The following ASXL3 variants were observed in gnomAD, a reference collection of about 807,000 sequenced individuals.
ASXL3 encodes ASXL transcriptional regulator 3, also known as putative Polycomb group protein ASXL3.
In ASXL3, 34 loss-of-function variants were observed where a neutral mutation model predicts 170.6. That is an observed-to-expected ratio of 0.20 (90% CI 0.15 to 0.27). The LOEUF (loss-of-function observed/expected upper bound fraction) is 0.27, where lower values mean the gene tolerates loss of function less well. ASXL3 is among the 10% of genes least tolerant of loss of function. The pLI, the probability that ASXL3 is intolerant of heterozygous loss-of-function variation, is 1.00. For synonymous variants in ASXL3, 1,002 were observed against 989.1 expected, an observed-to-expected ratio of 1.01 and a Z score of -0.24; for missense variants, 2,592 against 2,695.3, an observed-to-expected ratio of 0.96 and a Z score of 0.85.
At chr18:33,685,492 C>T (rs1191590488) in intron 8 of ASXL3, among the ~76,000 whole-genome samples, 3 of 152,184 alleles carry the variant, frequency 2.0e-5, no homozygotes, top group African/African-American at 4.8e-5. Flanking sequence ...ACAATTTCTT[C>T]CACTTCAACA....
intron 8 of ASXL3, among the ~76,000 whole-genome samples, chr18:33,694,207 T>C (rs2066735151): frequency 6.6e-6 from 1 of 152,158 alleles, no homozygotes; most frequent in African/African-American, 2.4e-5. Flanking sequence ...ATTCACTGCT[T>C]GGGTTTGTAG....
intron 2 of ASXL3, among the ~76,000 whole-genome samples, chr18:33,618,207 T>TCTTTTACAC (rs1269506080): frequency 6.6e-6 from 1 of 152,116 alleles, no homozygotes; most frequent in African/African-American, 2.4e-5. Context: ...AAAGACTATT[T>TCTTTTACAC]ATCCTTTGTC....
At chr18:33,681,209 C>T (rs2066508808) in intron 7 of ASXL3, among the ~76,000 whole-genome samples, 1 of 151,862 alleles carries the variant, frequency 6.6e-6, no homozygotes, top group African/African-American at 2.4e-5. Context: ...TGTTTGATTC[C>T]TCCGTAGGTC....
chr18:33,591,461 T>C (rs1433071075), intron 1 of ASXL3, among the ~76,000 whole-genome samples: 1 of 152,152 alleles, frequency 6.6e-6, no homozygotes, highest in African/African-American at 2.4e-5. Flanking sequence ...ACAAAAATAT[T>C]ATCTCCTATT....
intron 11 of ASXL3, among the ~76,000 whole-genome samples, chr18:33,741,911 A>T (rs914035798): frequency 3.3e-5 from 5 of 152,222 alleles, no homozygotes; most frequent in Admixed American, 6.5e-5. Context: ...GCTTTTAGTG[A>T]CTAGAGCAAC....
At chr18:33,652,601 G>A (rs2066017593) in intron 4 of ASXL3, among the ~76,000 whole-genome samples, 1 of 30,400 alleles carries the variant, frequency 3.3e-5, no homozygotes. Flanking sequence ...TTTCTGTTGG[G>A]GCAAAAAAAA....
chr18:33,731,734 C>G (rs956184845), intron 8 of ASXL3, among the ~76,000 whole-genome samples: 2 of 152,106 alleles, frequency 1.3e-5, no homozygotes, highest in African/African-American at 2.4e-5. Flanking sequence ...TCCTAGTATT[C>G]ATCCCAGGAG....
At chr18:33,636,708 A>G (rs2065771995) in intron 2 of ASXL3, among the ~76,000 whole-genome samples, 1 of 152,236 alleles carries the variant, frequency 6.6e-6, no homozygotes, top group African/African-American at 2.4e-5. Context: ...GATGCATTTC[A>G]TGTCAGATGT....
At chr18:33,658,925 G>A (rs866461726) in intron 4 of ASXL3, among the ~76,000 whole-genome samples, 1 of 152,050 alleles carries the variant, frequency 6.6e-6, no homozygotes, top group Middle Eastern at 3.4e-3. Flanking sequence ...GAAATTCTGG[G>A]CTCTAAATTG....
At position 33,696,287 on chromosome 18, in the gene ASXL3, T is replaced by C. The variant is rs145813719; in HGVS notation, c.879+12719T>C. Among the ~76,000 whole-genome samples the C allele has an allele frequency of 6.6e-3, 1,005 of 152,214 alleles. 12 individuals are homozygous for C. The highest frequency in any genetic ancestry group is 0.023 in the African/African-American group (944 of 41,542). On this transcript the variant is annotated intron_variant, in intron 8 of 11. Coordinates refer to ENST00000269197, the MANE Select transcript of ASXL3 (RefSeq NM_030632.3). ...TTTGTTAAAGTTCATTGTAAAGGAA[T>C]AAAGGAATCAATTCTAAGCAGGAAA... is the stretch of plus-strand genomic sequence containing the variant.
chr18:33,633,723 T>G (rs1297077895), intron 2 of ASXL3, among the ~76,000 whole-genome samples: 3 of 151,614 alleles, frequency 2.0e-5, no homozygotes, highest in African/African-American at 7.3e-5. Context: ...CGCGTGCCTG[T>G]AGTCCTGGCT....
chr18:33,627,028 G>A (rs1418774895), intron 2 of ASXL3: 1 of 152,672 alleles, frequency 6.5e-6, no homozygotes, highest in Non-Finnish European at 1.5e-5. Context: ...ACTAGCAGGA[G>A]TGGCTGGGAT....
intron 8 of ASXL3, chr18:33,683,780 A>G (rs2066550453): frequency 4.7e-6 from 2 of 427,498 alleles, no homozygotes; most frequent in South Asian, 5.6e-5. Flanking sequence ...AATACGGTAC[A>G]TTGTGGTAGA....
At position 33,742,965 on chromosome 18, in the gene ASXL3, T is replaced by A; in HGVS notation, c.3117T>A (p.Thr1039=). The A allele has an allele frequency of 6.2e-7, 1 of 1,613,890 alleles. No homozygotes were observed. The highest frequency in any genetic ancestry group is 1.1e-5 in the South Asian group (1 of 91,072). ...PVSKPESRAS[T]STSVSGGRNT... ...CCAAACCTGAGTCTCGAGCATCCAC[T>A]AGCACATCTGTCAGTGGCGGGAGGA... Residue 1039 remains threonine (T), a synonymous_variant, in exon 12 of 12, where the codon ACT becomes ACA. Coordinates refer to ENST00000269197, the MANE Select transcript of ASXL3 (RefSeq NM_030632.3).
chr18:33,590,111 G>GTTTTT lies in ASXL3; in HGVS notation c.54+11441_54+11445dup, dbSNP rs567969303. 1.0e-3 allele frequency among the ~76,000 whole-genome samples: 83 copies of GTTTTT among 83,108 alleles called. 2 individuals are homozygous for GTTTTT. Among genetic ancestry groups the GTTTTT allele is most frequent in the African/African-American group, 2.6e-3 (38 of 14,528 alleles). The allele number at this position is 83,108 out of a possible 152,430, so 54.5% of individuals were successfully genotyped here. Reference sequence around the variant, plus strand: ...TGTCGTCAAGGTATTTGCTTTCTATGTTTTTTTTTTTTTTTTTTTGCTTTG... The same window carrying GTTTTT: ...TGTCGTCAAGGTATTTGCTTTCTATGTTTTTTTTTTTTTTTTTTTTTTTTGCTTTG... On this transcript the variant is annotated intron_variant, in intron 1 of 11. Transcript: ENST00000269197.
At chr18:33,583,924 G>A (rs1181133931) in intron 1 of ASXL3, among the ~76,000 whole-genome samples, 1 of 152,216 alleles carries the variant, frequency 6.6e-6, no homozygotes, top group East Asian at 1.9e-4. Context: ...ATGCTGTTGA[G>A]GATACAAAGA....
rs2067720881 is a variant in ASXL3, at chr18:33,744,086, T to C, written c.4238T>C (p.Val1413Ala). Residue 1413 changes from valine (V) to alanine (A), a missense_variant, in exon 12 of 12, where the codon GTC becomes GCC. By Grantham distance (64) the Val-to-Ala change is moderately conservative. Coordinates refer to ENST00000269197, the MANE Select transcript of ASXL3 (RefSeq NM_030632.3). ...GACTCTCTGGTTGCACACCCGACCGTCGCAATGTTTACTGGAAACATGCTG... is the reference window on the plus strand; with the variant it reads ...GACTCTCTGGTTGCACACCCGACCGCCGCAATGTTTACTGGAAACATGCTG... Reference protein sequence around the residue: ...VTDSLVAHPTVAMFTGNMLTI... With the variant: ...VTDSLVAHPTAAMFTGNMLTI... The C allele has an allele frequency of 5.6e-6, 9 of 1,614,014 alleles. No individual in the cohort carries two copies. The East Asian group carries it at 1.8e-4, about 32-fold the overall frequency.
intron 7 of ASXL3, among the ~76,000 whole-genome samples, chr18:33,679,978 GT>G (rs1568323608): frequency 6.6e-6 from 1 of 151,750 alleles, no homozygotes; most frequent in East Asian, 1.9e-4. Flanking sequence ...ATTCTTTTCT[GT>G]TTAACGAATG....
intron 5 of ASXL3, among the ~76,000 whole-genome samples, chr18:33,666,403 A>G (rs1466770088): frequency 6.6e-6 from 1 of 152,192 alleles, no homozygotes; most frequent in Non-Finnish European, 1.5e-5. Context: ...GATGTGTAAT[A>G]GAAAAAGCTG....
Sources: allele counts gnomAD v4.1 joint callset (sites outside exome capture counted in the v4.1 genomes callset), GRCh38; gene constraint gnomAD v4.1.1; transcripts MANE v1.5; gene names NCBI Gene and HGNC (gene_info 2026-07-23, HGNC 2026-07-21).